ANKRD27: variants seen among roughly 807,000 people sequenced by gnomAD.
ANKRD27 encodes the protein ankyrin repeat domain 27.
ANKRD27 carries 112 observed loss-of-function variants against 129.7 expected under a neutral mutation model. The observed-to-expected ratio is 0.86, with a 90% confidence interval of 0.74 to 1.01. The LOEUF (loss-of-function observed/expected upper bound fraction) is 1.01, where lower values mean the gene tolerates loss of function less well. Among genes scored for constraint, ANKRD27 ranks in the 50% least tolerant of loss-of-function variants. The probability of loss-of-function intolerance (pLI) is 0.00; values close to 1 mark genes in which losing one functional copy is unlikely to be tolerated. For missense variants in ANKRD27, 1,258 were observed against 1,300.5 expected, an observed-to-expected ratio of 0.97 and a Z score of 0.50; for synonymous variants, 516 against 511.2, an observed-to-expected ratio of 1.01 and a Z score of -0.13.
At chr19:32,658,021 G>A (rs138433251) in intron 2 of ANKRD27, among the ~76,000 whole-genome samples, 2,259 of 152,082 alleles carry the variant, frequency 0.015, 22 homozygotes, top group Non-Finnish European at 0.024. Flanking sequence ...AGTCAATTCC[G>A]GCGTCCGAGA....
chr19:32,613,515 T>TA (rs1466312799), intron 22 of ANKRD27, among the ~76,000 whole-genome samples: 2 of 152,126 alleles, frequency 1.3e-5, no homozygotes, highest in Non-Finnish European at 2.9e-5. Context: ...GTTTTATTGG[T>TA]AATATTCCCC....
At chr19:32,672,646 G>A (rs1967893839) in intron 1 of ANKRD27, 1 of 152,414 alleles carries the variant, frequency 6.6e-6, no homozygotes, top group African/African-American at 2.4e-5. Flanking sequence ...AGCTGGAATG[G>A]GCAGGGCTAG....
chr19:32,639,557 T>C, intron 11 of ANKRD27, 69 bp from the exon 12 acceptor site: 1 of 1,536,460 alleles, frequency 6.5e-7, no homozygotes, highest in South Asian at 1.2e-5. Context: ...AAAATATCAT[T>C]GGCTTGGGCA....
In ANKRD27 at chr19:32,598,089, A is replaced by G. The variant is rs1044635399; in HGVS notation, c.*56T>C. ...GTTCTCAGATGTGTTCACGCTCAGC[A>G]TCATCTTGTTGCATCCTTGCTTCCT... On this transcript the variant is annotated 3_prime_UTR_variant, in exon 29 of 29. Coordinates refer to ENST00000306065, the MANE Select transcript of ANKRD27 (RefSeq NM_032139.3). 7 of 1,516,632 alleles carry G rather than the reference A, an allele frequency of 4.6e-6. No homozygotes were observed. The highest frequency in any genetic ancestry group is 1.7e-5 in the Admixed American group (1 of 59,646). 93.9% of individuals were successfully genotyped at this position (1,516,632 alleles called of 1,614,324 possible).
intron 14 of ANKRD27, 89 bp downstream of exon 14, chr19:32,628,633 T>A (rs1374104592): frequency 6.5e-7 from 1 of 1,534,884 alleles, no homozygotes; most frequent in Non-Finnish European, 8.9e-7. Context: ...ACAGTCCTTA[T>A]CTGCAGTCAC....
chr19:32,662,525 C>A (rs955192218), intron 1 of ANKRD27, among the ~76,000 whole-genome samples: 12 of 151,974 alleles, frequency 7.9e-5, no homozygotes, highest in African/African-American at 2.7e-4. Context: ...TCACTTCAGG[C>A]CAGGAGTTCA....
rs896497661 is a variant in ANKRD27 at position 32,632,526 on chromosome 19, G to A, written c.1117-1032C>T. 2.0e-4 allele frequency among the ~76,000 whole-genome samples: 29 copies of A among 146,562 alleles called. 1 individual carries two copies. The highest frequency in any genetic ancestry group is 1.6e-3 in the East Asian group (8 of 4,936). Reference sequence around the variant, plus strand: ...CTTGAACCCCGCAAGTGGAGGTTGCGGTGAGCCAAGATGGTGCCACTACAC... The same window carrying A: ...CTTGAACCCCGCAAGTGGAGGTTGCAGTGAGCCAAGATGGTGCCACTACAC... On this transcript the variant is annotated intron_variant, in intron 12 of 28. Transcript: ENST00000306065.
intron 2 of ANKRD27, 40 bp from the exon 3 acceptor site, chr19:32,649,832 C>A: frequency 1.5e-6 from 2 of 1,297,568 alleles, no homozygotes; most frequent in South Asian, 2.4e-5. Context: ...ACAGACGTGC[C>A]ATTTACCACC....
rs775585339 is a variant in ANKRD27 at position 32,644,528 on chromosome 19, C to T, written c.371-49G>A. 1.9e-6 allele frequency: 3 copies of T among 1,600,756 alleles called. No homozygotes were observed. The South Asian group carries it at 3.3e-5, about 18-fold the overall frequency. On this transcript the variant is annotated intron_variant, in intron 4 of 28. Coordinates refer to ENST00000306065, the MANE Select transcript of ANKRD27 (RefSeq NM_032139.3). ...GGCCGGCTGAAGCCTCTGCTGGTTCCTGACTCTGTCCTATCCTACAGGGCC... is the reference window on the plus strand; with the variant it reads ...GGCCGGCTGAAGCCTCTGCTGGTTCTTGACTCTGTCCTATCCTACAGGGCC...
intron 1 of ANKRD27, among the ~76,000 whole-genome samples, chr19:32,665,982 G>C (rs1431372441): frequency 6.6e-6 from 1 of 151,864 alleles, no homozygotes; most frequent in Non-Finnish European, 1.5e-5. Flanking sequence ...TGGCCAGGCT[G>C]GTCTTGAACT....
In ANKRD27 at chr19:32,600,027, G is replaced by T. The variant is rs1321338811; in HGVS notation, c.2791C>A (p.Pro931Thr). 1 of 1,612,742 alleles carries T rather than the reference G, an allele frequency of 6.2e-7. No individual in the cohort carries two copies. Among genetic ancestry groups the T allele is most frequent in the Non-Finnish European group, 8.5e-7 (1 of 1,179,066 alleles). The change falls in exon 27 of 29, where the codon CCA (proline) becomes ACA (threonine). Residue 931 changes from proline (P) to threonine (T), a missense_variant. By Grantham distance (38) the Pro-to-Thr change is conservative. Transcript: ENST00000306065. Reference sequence around the variant, plus strand: ...AACTGTCTTGTAAAAGGCTCATCTGGTAGATCATACAGTTTTGAGTTCCCT... The same window carrying T: ...AACTGTCTTGTAAAAGGCTCATCTGTTAGATCATACAGTTTTGAGTTCCCT... Reference protein sequence around the residue: ...KKWNSKLYDLPDEPFTRQFYF... With the variant: ...KKWNSKLYDLTDEPFTRQFYF...
rs572164327 is a variant in ANKRD27, at chr19:32,673,424, C to A, written c.-31+1647G>T. 2.4e-5 allele frequency: 24 copies of A among 985,380 alleles called. No individual in the cohort carries two copies. In the East Asian group the frequency reaches 2.5e-3, roughly 103 times the overall value. The allele number at this position is 985,380 out of a possible 1,614,324, so 61.0% of individuals were successfully genotyped here. A position where few individuals can be genotyped will look rare whatever the true frequency, so the allele number is the denominator to read the frequency against. ...CAACACAACAAAGCGATCTTTCCAG[C>A]GCCGAGCTCTGCAGGATTCCTCAAA... On this transcript the variant is annotated intron_variant, in intron 1 of 28. Coordinates refer to ENST00000306065, the MANE Select transcript of ANKRD27 (RefSeq NM_032139.3).
At position 32,619,511 on chromosome 19, in the gene ANKRD27, T is replaced by C; in HGVS notation, c.1870A>G (p.Arg624Gly). ...TGACTTACCTCGGACGACTTCTGCC[T>C]CCTCTCGAAGGACAGGTGATAGGCT... ...MEAYHLSFER[R>G]QKSSEAPVQS... The change falls in exon 19 of 29, where the codon AGG becomes GGG. Residue 624 changes from arginine to glycine, a missense_variant. Transcript: ENST00000306065. The C allele has an allele frequency of 6.2e-7, 1 of 1,613,996 alleles. No individual in the cohort carries two copies.
At chr19:32,661,980 C>T (rs1967653651) in intron 1 of ANKRD27, among the ~76,000 whole-genome samples, 1 of 152,160 alleles carries the variant, frequency 6.6e-6, no homozygotes, top group Non-Finnish European at 1.5e-5. Flanking sequence ...TATCCTCTGG[C>T]AGGTCTTTTT....
chr19:32,656,314 T>C (rs1174477649), intron 2 of ANKRD27, among the ~76,000 whole-genome samples: 1 of 152,140 alleles, frequency 6.6e-6, no homozygotes, highest in Non-Finnish European at 1.5e-5. Flanking sequence ...TAAAATATCA[T>C]ACAACGAAGA....
intron 18 of ANKRD27, 131 bp from the exon 19 acceptor site, chr19:32,619,684 G>A (rs1971979034): frequency 1.8e-6 from 2 of 1,089,652 alleles, no homozygotes; most frequent in Non-Finnish European, 2.8e-6. Context: ...TAGGTCACGT[G>A]GCCCAGTCGC....
rs551563995 is a variant in ANKRD27, at chr19:32,597,231, CAT to C, written c.*912_*913del. 283 of 152,596 alleles carry C rather than the reference CAT, an allele frequency of 1.9e-3. No homozygotes were observed. Among genetic ancestry groups the C allele is most frequent in the African/African-American group, 6.6e-3 (273 of 41,530 alleles). 9.5% of individuals were successfully genotyped at this position (152,596 alleles called of 1,614,324 possible). ...TATACGTGTAGCTCTAGGCCAATAA[CAT>C]AAAAATAACAGTATAATCTATAGAA... On this transcript the variant is annotated 3_prime_UTR_variant, in exon 29 of 29. Coordinates refer to ENST00000306065, the MANE Select transcript of ANKRD27 (RefSeq NM_032139.3).
At chr19:32,622,375 G>A (rs1424407429) in intron 18 of ANKRD27, 47 bp downstream of exon 18, 8 of 1,599,644 alleles carry the variant, frequency 5.0e-6, no homozygotes, top group East Asian at 2.2e-5. Context: ...TACGGACATC[G>A]ATCTTCTTTC....
intron 3 of ANKRD27, among the ~76,000 whole-genome samples, chr19:32,647,725 T>C (rs932334938): frequency 4.0e-5 from 6 of 151,784 alleles, no homozygotes; most frequent in African/African-American, 1.5e-4. Context: ...TGTTCTCTTT[T>C]GGACACCTAG....
Sources: allele counts gnomAD v4.1 joint callset (sites outside exome capture counted in the v4.1 genomes callset), GRCh38; gene constraint gnomAD v4.1.1; transcripts MANE v1.5; gene names NCBI Gene and HGNC (gene_info 2026-07-23, HGNC 2026-07-21).